The following TFAP2D variants were observed in gnomAD, a reference collection of about 807,000 sequenced individuals.
TFAP2D encodes the protein transcription factor AP-2-delta.
In TFAP2D, 9 loss-of-function variants were observed where a neutral mutation model predicts 43.6. That is an observed-to-expected ratio of 0.21 (90% CI 0.12 to 0.36). The LOEUF (loss-of-function observed/expected upper bound fraction) is 0.36. TFAP2D is among the 10% of genes least tolerant of loss of function. The pLI is 1.00. For synonymous variants in TFAP2D, 256 were observed against 224.9 expected (o/e 1.14, Z -1.24); for missense variants, 513 against 561.4 (o/e 0.91, Z 0.87).
At chr6:50,764,930 C>G (rs1769421150) in intron 7 of TFAP2D, among the ~76,000 whole-genome samples, 1 of 152,144 alleles carries the variant, frequency 6.6e-6, no homozygotes, top group African/African-American at 2.4e-5. Flanking sequence ...GGTGACAACA[C>G]TTAAGATATA....
chr6:50,713,889 G>T lies in TFAP2D; in HGVS notation c.-167G>T, dbSNP rs1331921600. On this transcript the variant is annotated 5_prime_UTR_variant, in exon 1 of 8. Transcript: ENST00000008391. The stretch of plus-strand genomic sequence containing the variant: ...CTACAGGTTTTTAAGTGGGTACGAG[G>T]CAAGGAGCTATCTGATCCGGGCAAA... 3.0e-6 allele frequency: 3 copies of T among 1,007,370 alleles called. No individual in the cohort carries two copies. Among genetic ancestry groups the T allele is most frequent in the Non-Finnish European group, 2.9e-6 (2 of 679,396 alleles). The allele number at this position is 1,007,370 out of a possible 1,614,324, so 62.4% of individuals were successfully genotyped here.
At chr6:50,729,899 T>C (rs1768861161) in intron 5 of TFAP2D, among the ~76,000 whole-genome samples, 1 of 152,182 alleles carries the variant, frequency 6.6e-6, no homozygotes, top group Non-Finnish European at 1.5e-5. Context: ...TCCCAGAAGT[T>C]GTTTTATTTC....
chr6:50,715,316 C>T lies in TFAP2D; in HGVS notation c.240C>T (p.His80=). 1.2e-6 allele frequency: 2 copies of T among 1,614,154 alleles called. No homozygotes were observed. The highest frequency in any genetic ancestry group is 1.7e-5 in the Admixed American group (1 of 60,026). Residue 80 remains histidine, a synonymous_variant, in exon 2 of 8, where the codon CAC becomes CAT. Transcript: ENST00000008391. ...AGTCCTTCCATTACGAGTTTCAGCA[C>T]AGCCACCCGGCCGTCACCCCCGACG... ...HHQSFHYEFQ[H]SHPAVTPDAY... is the part of the protein sequence containing the mutation.
intron 7 of TFAP2D, among the ~76,000 whole-genome samples, chr6:50,757,446 T>A (rs1309082705): frequency 2.0e-5 from 2 of 100,138 alleles, no homozygotes; most frequent in East Asian, 5.7e-4. Context: ...ATATATATAC[T>A]TATTCTATAT....
intron 5 of TFAP2D, among the ~76,000 whole-genome samples, chr6:50,738,948 C>G (rs955574859): frequency 6.6e-6 from 1 of 152,176 alleles, no homozygotes; most frequent in African/African-American, 2.4e-5. Context: ...AGTTCATCCT[C>G]ACCTACTGCT....
At chr6:50,733,406 C>A (rs1269882682) in intron 5 of TFAP2D, among the ~76,000 whole-genome samples, 2 of 151,914 alleles carry the variant, frequency 1.3e-5, no homozygotes, top group Non-Finnish European at 2.9e-5. Context: ...CTAGTATCTA[C>A]AATATCAGAA....
At chr6:50,768,880 G>C (rs1370273135) in intron 7 of TFAP2D, among the ~76,000 whole-genome samples, 1 of 148,306 alleles carries the variant, frequency 6.7e-6, no homozygotes, top group African/African-American at 2.5e-5. Flanking sequence ...ATTGATTTTA[G>C]AGTTCTTTGT....
intron 5 of TFAP2D, among the ~76,000 whole-genome samples, chr6:50,737,444 C>A (rs1355591635): frequency 6.6e-6 from 1 of 152,128 alleles, no homozygotes; most frequent in East Asian, 1.9e-4. Flanking sequence ...AGTAATTTTA[C>A]TTTTTGATTG....
chr6:50,726,479 T>C (rs910823252), intron 3 of TFAP2D, among the ~76,000 whole-genome samples: 7 of 152,244 alleles, frequency 4.6e-5, no homozygotes, highest in Non-Finnish European at 4.4e-5. Flanking sequence ...CTGGCTAGTA[T>C]GCAAGAGAGG....
At chr6:50,717,056 T>C (rs929219266) in intron 2 of TFAP2D, among the ~76,000 whole-genome samples, 4 of 152,208 alleles carry the variant, frequency 2.6e-5, no homozygotes, top group African/African-American at 9.7e-5. Context: ...GATCCCCTTA[T>C]GTCTCAAGAG....
At chr6:50,741,300 A>G (rs535507915) in intron 5 of TFAP2D, among the ~76,000 whole-genome samples, 57 of 152,144 alleles carry the variant, frequency 3.7e-4, no homozygotes, top group Non-Finnish European at 8.4e-4. Flanking sequence ...TTAAACTTTT[A>G]TTTTAAGTTC....
intron 7 of TFAP2D, among the ~76,000 whole-genome samples, chr6:50,766,201 C>A (rs541552183): frequency 6.6e-6 from 1 of 152,116 alleles, no homozygotes; most frequent in Non-Finnish European, 1.5e-5. Flanking sequence ...TTTCTAGACT[C>A]GTTCTGTTCC....
intron 3 of TFAP2D, 131 bp from the exon 4 acceptor site, chr6:50,728,725 C>G: frequency 1.2e-6 from 1 of 818,912 alleles, no homozygotes; most frequent in East Asian, 2.5e-5. Context: ...CTGCGATGAT[C>G]TGGGGGATAT....
chr6:50,751,759 G>T (rs1447749279), intron 7 of TFAP2D, among the ~76,000 whole-genome samples: 1 of 151,866 alleles, frequency 6.6e-6, no homozygotes, highest in Non-Finnish European at 1.5e-5. Flanking sequence ...ATATGAATTT[G>T]GAGTGGGGTG....
intron 2 of TFAP2D, among the ~76,000 whole-genome samples, chr6:50,716,705 G>A (rs913623610): frequency 2.6e-5 from 4 of 152,186 alleles, no homozygotes; most frequent in Non-Finnish European, 5.9e-5. Context: ...GCTCCTTTTA[G>A]CTAAAAGTGC....
Position 50,715,679 on chromosome 6 carries a change from A to G in TFAP2D, c.537+66A>G, listed in dbSNP as rs953623152. ...TTCGCCCTCCCCCTGCCGCCCCATT[A>G]ATGCTCCGACTGTAAAGCGTCTCTC... On this transcript the variant is annotated intron_variant, in intron 2 of 7. Transcript: ENST00000008391. 1.5e-5 allele frequency: 23 copies of G among 1,506,366 alleles called. No individual in the cohort carries two copies. In the African/African-American group the frequency reaches 3.2e-4, roughly 21 times the overall value. 93.3% of individuals were successfully genotyped at this position (1,506,366 alleles called of 1,614,324 possible).
chr6:50,733,317 A>T (rs1768918810), intron 5 of TFAP2D, among the ~76,000 whole-genome samples: 1 of 152,100 alleles, frequency 6.6e-6, no homozygotes, highest in South Asian at 2.1e-4. Flanking sequence ...TAATAATTAG[A>T]TATAACTCCT....
At chr6:50,727,882 G>A (rs1768831630) in intron 3 of TFAP2D, among the ~76,000 whole-genome samples, 1 of 152,250 alleles carries the variant, frequency 6.6e-6, no homozygotes, top group African/African-American at 2.4e-5. Flanking sequence ...CTTGCAGTGG[G>A]GGAGGAATTG....
chr6:50,720,269 A>G (rs1768696862), intron 3 of TFAP2D, among the ~76,000 whole-genome samples: 1 of 152,176 alleles, frequency 6.6e-6, no homozygotes, highest in South Asian at 2.1e-4. Context: ...TTTTCCAGAT[A>G]GAGAGATGTG....
Sources: gnomAD v4.1 joint callset for allele counts (sites outside exome capture counted in the v4.1 genomes callset) on GRCh38, gnomAD v4.1.1 for gene constraint, MANE v1.5 for transcripts, NCBI Gene and HGNC (gene_info 2026-07-23, HGNC 2026-07-21) for gene names.